The following AKR1A1 variants were observed in gnomAD, a reference collection of about 807,000 sequenced individuals.
The protein encoded by AKR1A1 is aldo-keto reductase family 1 member A1.
AKR1A1 carries 26 observed loss-of-function variants against 39.2 expected under a neutral mutation model. That is an observed-to-expected ratio of 0.66 (90% confidence interval 0.49 to 0.92). AKR1A1 has a LOEUF of 0.92. AKR1A1 is among the 40% of genes least tolerant of loss of function. The pLI is 0.00. For missense variants in AKR1A1, 378 were observed against 406.5 expected (o/e 0.93, Z 0.60); for synonymous variants, 141 against 155.5 (o/e 0.91, Z 0.69).
intron 2 of AKR1A1, among the ~76,000 whole-genome samples, chr1:45,565,233 C>T (rs1644326117): frequency 6.8e-6 from 1 of 148,142 alleles, no homozygotes; most frequent in Non-Finnish European, 1.5e-5. Flanking sequence ...CAGGTTCAAG[C>T]GATTCTCCTG....
chr1:45,553,943 C>G (rs1014591757), intron 1 of AKR1A1, among the ~76,000 whole-genome samples: 1 of 150,758 alleles, frequency 6.6e-6, no homozygotes, highest in Admixed American at 6.6e-5. Flanking sequence ...TGCAGTGAGC[C>G]GAGATCACGC....
intron 5 of AKR1A1, 73 bp from the exon 6 acceptor site, chr1:45,568,412 A>T: frequency 4.6e-6 from 7 of 1,531,678 alleles, no homozygotes; most frequent in Non-Finnish European, 6.3e-6. Flanking sequence ...GGTGGTCCAG[A>T]CATGCATGTC....
chr1:45,569,589 C>G (rs754405084), intron 8 of AKR1A1, among the ~76,000 whole-genome samples: 4 of 152,052 alleles, frequency 2.6e-5, no homozygotes, highest in Admixed American at 2.6e-4. Flanking sequence ...TGACCTCACT[C>G]GAGGGATTGG....
chr1:45,552,797 C>T (rs1309912526), intron 1 of AKR1A1, among the ~76,000 whole-genome samples: 2 of 152,094 alleles, frequency 1.3e-5, no homozygotes, highest in South Asian at 2.1e-4. Context: ...GGAAGAGGGA[C>T]CACTCTGGAA....
At chr1:45,552,525 G>A (rs1347912573) in intron 1 of AKR1A1, 1 of 152,200 alleles carries the variant, frequency 6.6e-6, no homozygotes, top group Non-Finnish European at 1.5e-5. Context: ...GAAATGTGAA[G>A]TGCTAGCTGA....
intron 4 of AKR1A1, 128 bp from the exon 5 acceptor site, chr1:45,567,854 C>A: frequency 1.2e-6 from 1 of 826,494 alleles, no homozygotes; most frequent in Non-Finnish European, 1.8e-6. Context: ...AAAAGCATGG[C>A]TTTTTAAAAA....
At chr1:45,559,321 A>G (rs1262182254) in intron 1 of AKR1A1, among the ~76,000 whole-genome samples, 1 of 152,206 alleles carries the variant, frequency 6.6e-6, no homozygotes, top group Non-Finnish European at 1.5e-5. Flanking sequence ...TCTTATTTGC[A>G]TAGCTTTCCA....
In AKR1A1 at chr1:45,556,164, GAGAA is replaced by G. The variant is rs1644199937; in HGVS notation, c.-7+5018_-7+5021del. On this transcript the variant is annotated intron_variant, in intron 1 of 8. Coordinates refer to ENST00000351829, the MANE Select transcript of AKR1A1 (RefSeq NM_153326.3). ...CCAGGCAGCAACTGTAGAGCCCTTT[GAGAA>G]AGAAAGAATTCAACAGAGGGAAGGA... is the stretch of plus-strand genomic sequence containing the variant. Among the ~76,000 whole-genome samples the G allele has an allele frequency of 2.6e-5, 4 of 152,282 alleles. No individual in the cohort carries two copies. The South Asian group carries it at 8.3e-4, about 32-fold the overall frequency.
At chr1:45,555,228 C>T (rs1343251205) in intron 1 of AKR1A1, among the ~76,000 whole-genome samples, 1 of 152,204 alleles carries the variant, frequency 6.6e-6, no homozygotes, top group Non-Finnish European at 1.5e-5. Context: ...TAGCTCACGC[C>T]TGTAATCCCA....
At position 45,568,573 on chromosome 1, in the gene AKR1A1, GCTC is replaced by G; in HGVS notation, c.645_647del (p.Ser216del). The G allele has an allele frequency of 6.2e-7, 1 of 1,613,944 alleles. No homozygotes were observed. The highest frequency in any genetic ancestry group is 8.5e-7 in the Non-Finnish European group (1 of 1,179,958). On this transcript the variant is annotated inframe_deletion, in exon 6 of 9. Coordinates refer to ENST00000351829, the MANE Select transcript of AKR1A1 (RefSeq NM_153326.3). ...GAGGTAACTGCTTATAGCCCTTTGG[GCTC>G]CTCTGATCGTGCATGGCGTGATCCT...
At chr1:45,566,449 C>T (rs1000104279) in intron 2 of AKR1A1, 120 bp from the exon 3 acceptor site, 10 of 1,432,434 alleles carry the variant, frequency 7.0e-6, no homozygotes, top group Non-Finnish European at 9.5e-6. Context: ...TTTTCACCTC[C>T]ACTGCATAGA....
intron 1 of AKR1A1, among the ~76,000 whole-genome samples, chr1:45,554,233 C>G (rs1019083630): frequency 3.6e-4 from 55 of 152,090 alleles, no homozygotes; most frequent in African/African-American, 1.3e-3. Context: ...TTCAGACCAG[C>G]CTGGGCAACA....
At position 45,566,790 on chromosome 1, in the gene AKR1A1, G is replaced by T. The variant is rs1644349639; in HGVS notation, c.205-79G>T. 4 of 1,595,148 alleles carry T rather than the reference G, an allele frequency of 2.5e-6. No homozygotes were observed. The East Asian group carries it at 6.7e-5, about 27-fold the overall frequency. ...GGAATCTGGCATCAGCTTCCTTCCAGTTCCTCTCCCAGAGTTGAGGGTGGG... is the reference window on the plus strand; with the variant it reads ...GGAATCTGGCATCAGCTTCCTTCCATTTCCTCTCCCAGAGTTGAGGGTGGG... On this transcript the variant is annotated intron_variant, in intron 3 of 8. Coordinates refer to ENST00000351829, the MANE Select transcript of AKR1A1 (RefSeq NM_153326.3).
chr1:45,566,660 C>T lies in AKR1A1; in HGVS notation c.176C>T (p.Ala59Val). 1 of 1,614,206 alleles carries T rather than the reference C, an allele frequency of 6.2e-7. No individual in the cohort carries two copies. Among genetic ancestry groups the T allele is most frequent in the Non-Finnish European group, 8.5e-7 (1 of 1,180,024 alleles). ...GGCAATGAGCCTGAGATTGGGGAGG[C>T]CCTGAAGGAGGACGTGGGACCAGGC... Reference protein sequence around the residue: ...IYGNEPEIGEALKEDVGPGKA... With the variant: ...IYGNEPEIGEVLKEDVGPGKA... The change falls in exon 3 of 9, where the codon GCC (alanine) becomes GTC (valine). Residue 59 changes from alanine (A) to valine (V), a missense_variant. Physicochemically the swap from Ala to Val is moderately conservative, Grantham distance 64. Coordinates refer to ENST00000351829, the MANE Select transcript of AKR1A1 (RefSeq NM_153326.3).
chr1:45,566,651 T>G lies in AKR1A1; in HGVS notation c.167T>G (p.Ile56Ser). ...CAAIYGNEPE[I>S]GEALKEDVGP... ...GCTATCTACGGCAATGAGCCTGAGA[T>G]TGGGGAGGCCCTGAAGGAGGACGTG... Residue 56 changes from isoleucine to serine, a missense_variant, in exon 3 of 9, where the codon ATT becomes AGT. Ile to Ser is a moderately radical substitution (Grantham distance 142, BLOSUM62 -2). Coordinates refer to ENST00000351829, the MANE Select transcript of AKR1A1 (RefSeq NM_153326.3). 1 of 1,614,196 alleles carries G rather than the reference T, an allele frequency of 6.2e-7. No individual in the cohort carries two copies. Among genetic ancestry groups the G allele is most frequent in the Non-Finnish European group, 8.5e-7 (1 of 1,180,038 alleles).
chr1:45,562,488 C>T (rs997403086), intron 2 of AKR1A1, among the ~76,000 whole-genome samples: 1 of 148,394 alleles, frequency 6.7e-6, no homozygotes, highest in African/African-American at 2.5e-5. Flanking sequence ...ACCACAGGCA[C>T]ACACTAACAC....
chr1:45,557,503 G>A (rs2148292776), intron 1 of AKR1A1, among the ~76,000 whole-genome samples: 1 of 152,284 alleles, frequency 6.6e-6, no homozygotes, highest in South Asian at 2.1e-4. Context: ...AAAAGAAAGG[G>A]AGAAGCAAGA....
intron 3 of AKR1A1, 67 bp from the exon 4 acceptor site, chr1:45,566,802 G>A (rs1644349882): frequency 1.9e-6 from 3 of 1,596,582 alleles, no homozygotes; most frequent in Non-Finnish European, 2.6e-6. Flanking sequence ...TCCTCTCCCA[G>A]AGTTGAGGGT....
chr1:45,560,263 G>A (rs1468454813), intron 1 of AKR1A1, among the ~76,000 whole-genome samples: 1 of 152,118 alleles, frequency 6.6e-6, no homozygotes, highest in Non-Finnish European at 1.5e-5. Flanking sequence ...TTGTATTACA[G>A]GTGTGAGGCA....
Sources: allele counts gnomAD v4.1 joint callset (sites outside exome capture counted in the v4.1 genomes callset), GRCh38; gene constraint gnomAD v4.1.1; transcripts MANE v1.5; gene names NCBI Gene and HGNC (gene_info 2026-07-23, HGNC 2026-07-21).